The following NEGR1 variants were observed in gnomAD, a reference collection of about 807,000 sequenced individuals.
The protein encoded by NEGR1 is IgLON family member 4.
Under a neutral mutation model 40.9 loss-of-function variants are expected in NEGR1, and 10 were observed. The ratio of observed to expected loss-of-function variants is 0.24; its 90% CI spans 0.15 to 0.42. The LOEUF is 0.42. Among genes scored for constraint, NEGR1 ranks in the 10% least tolerant of loss-of-function variants. The pLI, the probability that NEGR1 is intolerant of heterozygous loss-of-function variation, is 1.00. For synonymous variants in NEGR1, 185 were observed against 166.8 expected, an observed-to-expected ratio of 1.11 and a Z score of -0.84; for missense variants, 352 against 438.9, an observed-to-expected ratio of 0.80 and a Z score of 1.77.
chr1:72,212,240 CA>C (rs1292031588), intron 1 of NEGR1, among the ~76,000 whole-genome samples: 1 of 151,928 alleles, frequency 6.6e-6, no homozygotes, highest in African/African-American at 2.4e-5. Context: ...AAATTACAAT[CA>C]ATTAACTTTA....
intron 2 of NEGR1, among the ~76,000 whole-genome samples, chr1:71,898,653 A>C (rs1398562260): frequency 7.3e-6 from 1 of 137,690 alleles, no homozygotes; most frequent in Non-Finnish European, 1.7e-5. Context: ...AAACAAAAAA[A>C]CTGCTTTGTT....
At chr1:71,803,435 G>T (rs1317431734) in intron 2 of NEGR1, among the ~76,000 whole-genome samples, 1 of 152,110 alleles carries the variant, frequency 6.6e-6, no homozygotes, top group Non-Finnish European at 1.5e-5. Context: ...CACACTCAGA[G>T]CCAGGGGTAT....
At chr1:71,894,777 T>C (rs1660919811) in intron 2 of NEGR1, among the ~76,000 whole-genome samples, 1 of 152,204 alleles carries the variant, frequency 6.6e-6, no homozygotes, top group Non-Finnish European at 1.5e-5. Flanking sequence ...ACGTGGTGGC[T>C]CATGCCTGTA....
intron 1 of NEGR1, among the ~76,000 whole-genome samples, chr1:72,185,774 G>A (rs553767710): frequency 6.6e-6 from 1 of 151,872 alleles, no homozygotes; most frequent in Admixed American, 6.6e-5. Flanking sequence ...ATGTTGCTCA[G>A]GTCTATAACA....
At chr1:71,939,330 A>G (rs1367807350) in intron 1 of NEGR1, among the ~76,000 whole-genome samples, 2 of 152,132 alleles carry the variant, frequency 1.3e-5, no homozygotes, top group Non-Finnish European at 2.9e-5. Flanking sequence ...GTCTCTTTCC[A>G]CTAGAAGCAA....
intron 3 of NEGR1, among the ~76,000 whole-genome samples, chr1:71,757,055 T>C (rs1313564980): frequency 6.6e-6 from 1 of 152,106 alleles, no homozygotes; most frequent in Non-Finnish European, 1.5e-5. Context: ...ACAATGAATC[T>C]AGTTTTTTAA....
intron 4 of NEGR1, among the ~76,000 whole-genome samples, chr1:71,649,396 A>G (rs893534252): frequency 6.6e-6 from 1 of 152,124 alleles, no homozygotes; most frequent in Non-Finnish European, 1.5e-5. Context: ...AGCAAAGTAC[A>G]TGGATTATCA....
intron 6 of NEGR1, among the ~76,000 whole-genome samples, chr1:71,447,366 T>C (rs183474282): frequency 3.9e-5 from 6 of 152,300 alleles, no homozygotes; most frequent in Admixed American, 2.6e-4. Flanking sequence ...TCTTTACAAA[T>C]GCCCATTGAT....
chr1:72,238,411 G>T (rs983713143), intron 1 of NEGR1, among the ~76,000 whole-genome samples: 2 of 151,736 alleles, frequency 1.3e-5, no homozygotes, highest in Non-Finnish European at 2.9e-5. Flanking sequence ...ATATCGAATT[G>T]ATTCAGGAAA....
At chr1:72,180,092 A>G (rs1432943793) in intron 1 of NEGR1, among the ~76,000 whole-genome samples, 1 of 152,096 alleles carries the variant, frequency 6.6e-6, no homozygotes, top group Non-Finnish European at 1.5e-5. Flanking sequence ...AAGAAGAAAG[A>G]AAAAGTTGGA....
intron 5 of NEGR1, among the ~76,000 whole-genome samples, chr1:71,601,054 C>T (rs1649902591): frequency 6.6e-6 from 1 of 152,120 alleles, no homozygotes; most frequent in Non-Finnish European, 1.5e-5. Flanking sequence ...TCCTTATATC[C>T]AATTAGTCAC....
intron 6 of NEGR1, among the ~76,000 whole-genome samples, chr1:71,547,554 A>T (rs191140765): frequency 4.2e-4 from 64 of 151,896 alleles, no homozygotes; most frequent in Non-Finnish European, 5.9e-4. Context: ...GAAACAGAAT[A>T]GAAAGAGAAA....
chr1:72,052,737 A>T (rs12354124), intron 1 of NEGR1, among the ~76,000 whole-genome samples: 67,329 of 151,242 alleles, frequency 0.45, 15,444 homozygotes, highest in Admixed American at 0.5. Context: ...TAACTTTTGC[A>T]TAAAAATAGT....
At chr1:71,965,919 A>G (rs1449705488) in intron 1 of NEGR1, among the ~76,000 whole-genome samples, 3 of 152,210 alleles carry the variant, frequency 2.0e-5, no homozygotes, top group Non-Finnish European at 4.4e-5. Context: ...AACTGCATCA[A>G]TATTTTCCCA....
chr1:71,626,966 G>C (rs967508481), intron 4 of NEGR1, among the ~76,000 whole-genome samples: 6 of 152,154 alleles, frequency 3.9e-5, no homozygotes, highest in Admixed American at 1.3e-4. Flanking sequence ...ACACCAGTTA[G>C]AATGGCGATC....
chr1:71,659,378 G>A (rs1462687851), intron 4 of NEGR1, among the ~76,000 whole-genome samples: 2 of 152,034 alleles, frequency 1.3e-5, no homozygotes, highest in Admixed American at 6.6e-5. Context: ...TAAAAACTCT[G>A]GAAGACAACC....
chr1:72,012,770 T>A (rs1048468221), intron 1 of NEGR1, among the ~76,000 whole-genome samples: 2 of 150,724 alleles, frequency 1.3e-5, no homozygotes, highest in Middle Eastern at 3.5e-3. Flanking sequence ...ACAGATCTCA[T>A]TGATATTTTG....
At chr1:71,961,455 G>C (rs1646164929) in intron 1 of NEGR1, among the ~76,000 whole-genome samples, 1 of 152,126 alleles carries the variant, frequency 6.6e-6, no homozygotes, top group Non-Finnish European at 1.5e-5. Flanking sequence ...TAATTTTGGA[G>C]TTGGTAGATG....
chr1:72,075,998 A>G (rs1647715209), intron 1 of NEGR1, among the ~76,000 whole-genome samples: 1 of 152,210 alleles, frequency 6.6e-6, no homozygotes, highest in South Asian at 2.1e-4. Flanking sequence ...AATAGCTAAC[A>G]AGACTGTTAT....
Sources: gnomAD v4.1 joint callset for allele counts (sites outside exome capture counted in the v4.1 genomes callset) on GRCh38, gnomAD v4.1.1 for gene constraint, MANE v1.5 for transcripts, NCBI Gene and HGNC (gene_info 2026-07-23, HGNC 2026-07-21) for gene names.